PHACTR3: variants seen among roughly 807,000 people sequenced by gnomAD.
The protein encoded by PHACTR3 is phosphatase and actin regulator 3.
A neutral mutation model predicts 66.8 loss-of-function variants in PHACTR3; 16 were observed. The ratio of observed to expected loss-of-function variants is 0.24; its 90% CI spans 0.16 to 0.36. The LOEUF is 0.36. Among genes scored for constraint, PHACTR3 ranks in the 10% least tolerant of loss-of-function variants. The probability of loss-of-function intolerance (pLI) is 1.00; values close to 1 mark genes in which losing one functional copy is unlikely to be tolerated. For missense variants in PHACTR3, 647 were observed against 719.9 expected, an observed-to-expected ratio of 0.90 and a Z score of 1.16; for synonymous variants, 323 against 292.1, an observed-to-expected ratio of 1.11 and a Z score of -1.08.
chr20:59,845,142 GAT>G, intron 11 of PHACTR3, 45 bp from the exon 12 acceptor site: 3 of 1,230,920 alleles, frequency 2.4e-6, no homozygotes, highest in Non-Finnish European at 3.6e-6. Flanking sequence ...CTAATTTCCT[GAT>G]TTTTTTAATA....
chr20:59,642,629 A>C (rs79120332), intron 1 of PHACTR3, among the ~76,000 whole-genome samples: 3,786 of 152,278 alleles, frequency 0.025, 63 homozygotes, highest in Middle Eastern at 0.061. Flanking sequence ...TTCTGCTTTC[A>C]TTGGAAACTG....
At chr20:59,767,059 T>C (rs2146867322) in intron 4 of PHACTR3, 127 bp from the exon 5 acceptor site, 4 of 823,124 alleles carry the variant, frequency 4.9e-6, no homozygotes, top group East Asian at 2.7e-5. Context: ...GTCAAGTGCC[T>C]GTGTGAGGTC....
intron 1 of PHACTR3, among the ~76,000 whole-genome samples, chr20:59,589,533 C>T (rs1407251249): frequency 1.3e-5 from 2 of 152,314 alleles, no homozygotes; most frequent in Non-Finnish European, 2.9e-5. Context: ...ATAGCTCGGG[C>T]TACGAGACTG....
chr20:59,686,205 A>T (rs1286849697), intron 1 of PHACTR3, among the ~76,000 whole-genome samples: 1 of 152,204 alleles, frequency 6.6e-6, no homozygotes, highest in Non-Finnish European at 1.5e-5. Context: ...ATTGAATGAG[A>T]CTGAAGGGAT....
At chr20:59,673,406 G>A (rs1030163783) in intron 1 of PHACTR3, among the ~76,000 whole-genome samples, 19 of 152,340 alleles carry the variant, frequency 1.2e-4, no homozygotes, top group Admixed American at 7.8e-4. Context: ...ATCTCTTCCT[G>A]ATGGCCGAGC....
At chr20:59,846,613 T>C (rs1301306996) in intron 12 of PHACTR3, among the ~76,000 whole-genome samples, 2 of 152,176 alleles carry the variant, frequency 1.3e-5, no homozygotes, top group Non-Finnish European at 2.9e-5. Context: ...ATGTTTATTG[T>C]CCTAAGTTGA....
intron 8 of PHACTR3, among the ~76,000 whole-genome samples, chr20:59,812,507 G>A (rs1399035374): frequency 6.6e-6 from 1 of 152,192 alleles, no homozygotes; most frequent in East Asian, 1.9e-4. Flanking sequence ...CTTTAGGCAA[G>A]GCAGGCCTAT....
chr20:59,612,601 GTCTTGAAC>G (rs2033888192), intron 1 of PHACTR3, among the ~76,000 whole-genome samples: 1 of 152,146 alleles, frequency 6.6e-6, no homozygotes, highest in Admixed American at 6.5e-5. Context: ...GACCAGGCTG[GTCTTGAAC>G]TCTTGACCTT....
At chr20:59,689,205 C>T (rs2037011296) in intron 1 of PHACTR3, among the ~76,000 whole-genome samples, 1 of 152,206 alleles carries the variant, frequency 6.6e-6, no homozygotes. Context: ...AGCATCAGCT[C>T]AATGGGTGGG....
At chr20:59,739,596 C>T (rs1288722199) in intron 1 of PHACTR3, among the ~76,000 whole-genome samples, 1 of 152,124 alleles carries the variant, frequency 6.6e-6, no homozygotes, top group Non-Finnish European at 1.5e-5. Context: ...CTCAAGAGAA[C>T]TCACTCAATA....
chr20:59,696,502 C>T (rs1156314812), intron 1 of PHACTR3, among the ~76,000 whole-genome samples: 2 of 152,018 alleles, frequency 1.3e-5, no homozygotes, highest in African/African-American at 4.8e-5. Context: ...AGTGTCTGAG[C>T]ATGTTGGGGC....
chr20:59,702,303 T>C (rs2037534399), intron 1 of PHACTR3, among the ~76,000 whole-genome samples: 1 of 152,158 alleles, frequency 6.6e-6, no homozygotes, highest in Non-Finnish European at 1.5e-5. Flanking sequence ...TCCATCTTCT[T>C]TCCCCACTCT....
chr20:59,577,555 G>A, exon 1 of PHACTR3: 1 of 1,193,384 alleles, frequency 8.4e-7, no homozygotes, highest in Non-Finnish European at 1.0e-6. Context: ...GCGCCCCTGC[G>A]CTCGCTGCTG....
At chr20:59,687,025 A>T (rs2036919852) in intron 1 of PHACTR3, among the ~76,000 whole-genome samples, 1 of 149,474 alleles carries the variant, frequency 6.7e-6, no homozygotes, top group Non-Finnish European at 1.5e-5. Flanking sequence ...GGTGGTGATG[A>T]TGATGGTGGT....
chr20:59,818,931 A>G (rs893293788), intron 8 of PHACTR3, among the ~76,000 whole-genome samples: 8 of 152,020 alleles, frequency 5.3e-5, no homozygotes, highest in Non-Finnish European at 1.2e-4. Context: ...CATCATTTTC[A>G]TCATTTCCAT....
intron 8 of PHACTR3, among the ~76,000 whole-genome samples, chr20:59,826,379 A>C (rs948196518): frequency 6.6e-6 from 1 of 152,152 alleles, no homozygotes; most frequent in Non-Finnish European, 1.5e-5. Context: ...GGTTCTTCCC[A>C]GCTGACTCAA....
At chr20:59,764,398 C>T (rs2040108039) in intron 4 of PHACTR3, among the ~76,000 whole-genome samples, 1 of 152,136 alleles carries the variant, frequency 6.6e-6, no homozygotes, top group South Asian at 2.1e-4. Context: ...GCCACATTGT[C>T]CTGGAGGAGA....
intron 1 of PHACTR3, among the ~76,000 whole-genome samples, chr20:59,740,020 A>G (rs942810074): frequency 1.3e-4 from 20 of 152,298 alleles, no homozygotes; most frequent in African/African-American, 4.8e-4. Flanking sequence ...AATGATCTCT[A>G]GCTCATAGAT....
intron 4 of PHACTR3, among the ~76,000 whole-genome samples, chr20:59,757,580 G>A (rs1161178763): frequency 1.3e-5 from 2 of 152,104 alleles, no homozygotes; most frequent in Admixed American, 6.5e-5. Context: ...ACAGCCACTC[G>A]CCTCTGCCCC....
Sources: allele counts gnomAD v4.1 joint callset (sites outside exome capture counted in the v4.1 genomes callset), GRCh38; gene constraint gnomAD v4.1.1; transcripts MANE v1.5; gene names NCBI Gene and HGNC (gene_info 2026-07-23, HGNC 2026-07-21).